Variants in TBX6 observed in about 807,000 individuals in gnomAD.
TBX6 encodes T-box transcription factor TBX6.
Under a neutral mutation model 42.3 loss-of-function variants are expected in TBX6, and 29 were observed. The ratio of observed to expected loss-of-function variants is 0.69; its 90% CI spans 0.51 to 0.93. The LOEUF is 0.93. Among genes scored for constraint, TBX6 ranks in the 40% least tolerant of loss-of-function variants. TBX6 has a pLI of 0.00. For synonymous variants in TBX6, 249 were observed against 245.1 expected, an observed-to-expected ratio of 1.02 and a Z score of -0.15; for missense variants, 569 against 603.3, an observed-to-expected ratio of 0.94 and a Z score of 0.59.
At chr16:30,089,295 G>T in intron 3 of TBX6, 85 bp from the exon 4 acceptor site, 2 of 1,516,636 alleles carry the variant, frequency 1.3e-6, no homozygotes. Flanking sequence ...CATAACAACG[G>T]GCTCCCCAGA....
Position 30,091,120 on chromosome 16 carries a change from T to C in TBX6, c.74A>G (p.Asp25Gly). The C allele has an allele frequency of 6.3e-7, 1 of 1,588,668 alleles. No homozygotes were observed. The highest frequency in any genetic ancestry group is 8.6e-7 in the Non-Finnish European group (1 of 1,169,068). The change falls in exon 2 of 9, where the codon GAC (aspartate) becomes GGC (glycine). Residue 25 changes from aspartate (D) to glycine (G), a missense_variant. Asp to Gly is a moderately conservative substitution (Grantham distance 94). Transcript: ENST00000395224. The part of the protein sequence containing the change: ...YRLGPAQPGA[D>G]SSFPPALAEG... The stretch of plus-strand genomic sequence containing the variant: ...CGCTAGGGCGGGTGGGAAGCTGGAG[T>C]CGGCCCCAGGTTGGGCGGGCCCCAG...
Position 30,088,606 on chromosome 16 carries a change from G to A in TBX6, c.778C>T (p.Leu260=). The A allele has an allele frequency of 6.2e-7, 1 of 1,614,222 alleles. No homozygotes were observed. Among genetic ancestry groups the A allele is most frequent in the South Asian group, 1.1e-5 (1 of 91,088 alleles). Residue 260 remains leucine (L), a synonymous_variant, in exon 6 of 9, where the codon CTG becomes TTG. Transcript: ENST00000395224. The surrounding 1 kb of genome is among the most constrained non-coding windows in gnomAD (Gnocchi z 4.1). ...GCAAAGGGATTGGCTGCAATCTTCA[G>A]TTGTGTGATCTGGGGACACACATGC... ...TAYQNPQITQ[L]KIAANPFAKG...
In TBX6 at chr16:30,086,183, A is replaced by C; in HGVS notation, c.*42T>G. On this transcript the variant is annotated 3_prime_UTR_variant, in exon 9 of 9. Coordinates refer to ENST00000395224, the MANE Select transcript of TBX6 (RefSeq NM_004608.4). The surrounding 1 kb of genome is among the most constrained non-coding windows in gnomAD (Gnocchi z 4.6). Reference sequence around the variant, plus strand: ...GGGGGCTCCAGGGCTGGGGGAAGGGAGCGGGAGGTTTGTGATGGAGGCAGA... The same window carrying C: ...GGGGGCTCCAGGGCTGGGGGAAGGGCGCGGGAGGTTTGTGATGGAGGCAGA... 1 of 1,596,746 alleles carries C rather than the reference A, an allele frequency of 6.3e-7. No homozygotes were observed. The highest frequency in any genetic ancestry group is 8.5e-7 in the Non-Finnish European group (1 of 1,172,024).
At chr16:30,089,496 A>G (rs898329649) in intron 3 of TBX6, among the ~76,000 whole-genome samples, 3 of 152,120 alleles carry the variant, frequency 2.0e-5, no homozygotes, top group African/African-American at 7.2e-5. Context: ...TTAGCCAGGC[A>G]TGGTGGTGCA....
At chr16:30,090,699 G>C (rs2072707697) in intron 3 of TBX6, 59 bp downstream of exon 3, 1 of 1,535,888 alleles carries the variant, frequency 6.5e-7, no homozygotes. Flanking sequence ...CCCTCCCCAG[G>C]GACTCTGCCT....
In TBX6 at chr16:30,086,367, G is replaced by A. The variant is rs759321125; in HGVS notation, c.1169C>T (p.Pro390Leu). ...APYSAAFLELPHGSGGSGYPA... is the reference protein window; with the variant it reads ...APYSAAFLELLHGSGGSGYPA... ...GTACCCGGAGCCCCCTGACCCGTGC[G>A]GCAGCTCCAGAAATGCAGCCGAGTA... Residue 390 changes from proline (P) to leucine (L), a missense_variant, in exon 9 of 9, where the codon CCG becomes CTG. By Grantham distance (98) the Pro-to-Leu change is moderately conservative. Coordinates refer to ENST00000395224, the MANE Select transcript of TBX6 (RefSeq NM_004608.4). The surrounding 1 kb of genome is among the most constrained non-coding windows in gnomAD (Gnocchi z 4.6). 2.1e-5 allele frequency: 33 copies of A among 1,579,174 alleles called. No individual in the cohort carries two copies. Among genetic ancestry groups the A allele is most frequent in the South Asian group, 1.6e-4 (14 of 86,150 alleles).
chr16:30,089,228 C>A lies in TBX6; in HGVS notation c.354-18G>T, dbSNP rs1431768910. The A allele has an allele frequency of 2.5e-6, 4 of 1,605,336 alleles. No individual in the cohort carries two copies. The highest frequency in any genetic ancestry group is 3.4e-6 in the Non-Finnish European group (4 of 1,174,304). ...ACATGCGCCTGTGCAAGGGAGGGGA[C>A]AGGAGAGGCCTGGAGCTACCCACTG... On this transcript the variant is annotated intron_variant, in intron 3 of 8. Coordinates refer to ENST00000395224, the MANE Select transcript of TBX6 (RefSeq NM_004608.4).
rs563504411 is a variant in TBX6, at chr16:30,086,292, C to A, written c.1244G>T (p.Gly415Val). The A allele has an allele frequency of 2.0e-5, 32 of 1,611,484 alleles. No individual in the cohort carries two copies. In the Admixed American group the frequency reaches 2.3e-4, roughly 12 times the overall value. Residue 415 changes from glycine to valine, a missense_variant, in exon 9 of 9, where the codon GGC becomes GTC. Gly to Val is a moderately radical substitution (Grantham distance 109). Transcript: ENST00000395224. This position sits in a 1 kb window ranked among gnomAD's most constrained non-coding sequence, Gnocchi z 4.6. ...VPFAPHFLQG[G>V]PFPLPYTAPG... ...CGCGGTGTATGGTAGAGGGAAGGGG[C>A]CCCCTTGGAGAAAGTGCGGGGCAAA...
intron 3 of TBX6, 35 bp downstream of exon 3, chr16:30,090,723 C>T: frequency 1.3e-6 from 2 of 1,596,064 alleles, no homozygotes; most frequent in Non-Finnish European, 1.7e-6. Flanking sequence ...CCAAGAGACC[C>T]CCACCAGAAA....
Position 30,088,383 on chromosome 16 carries a change from G to T in TBX6, c.839+162C>A. On this transcript the variant is annotated intron_variant, in intron 6 of 8. Coordinates refer to ENST00000395224, the MANE Select transcript of TBX6 (RefSeq NM_004608.4). The surrounding 1 kb of genome is among the most constrained non-coding windows in gnomAD (Gnocchi z 4.1). The stretch of plus-strand genomic sequence containing the variant: ...TGTTTTATCTCCAGTGCCTGGAACT[G>T]TCCCTGGCACATAGCAGGTACTATA... 1 of 1,011,340 alleles carries T rather than the reference G, an allele frequency of 9.9e-7. No homozygotes were observed. The highest frequency in any genetic ancestry group is 1.5e-6 in the Non-Finnish European group (1 of 674,286). The allele number at this position is 1,011,340 out of a possible 1,614,324, so 62.6% of individuals were successfully genotyped here.
intron 6 of TBX6, among the ~76,000 whole-genome samples, chr16:30,087,203 G>C (rs1023171995): frequency 6.6e-6 from 1 of 151,864 alleles, no homozygotes; most frequent in East Asian, 1.9e-4. Context: ...CCCTCTTCAC[G>C]GGCTGAACCT....
In TBX6 at chr16:30,090,817, C is replaced by A. The variant is rs1367397285; in HGVS notation, c.294G>T (p.Arg98=). The A allele has an allele frequency of 2.5e-6, 4 of 1,603,542 alleles. No homozygotes were observed. The African/African-American group carries it at 4.0e-5, about 16-fold the overall frequency. ...CAGAGCTGAACTCCTTCCATAGCTC[C>A]CGGTTCTCCAGGCTCAGGCTGACCC... ...LPGVSLSLEN[R]ELWKEFSSVG... is the part of the protein sequence containing the mutation. Residue 98 remains arginine (R), a synonymous_variant, in exon 3 of 9, where the codon CGG becomes CGT. Coordinates refer to ENST00000395224, the MANE Select transcript of TBX6 (RefSeq NM_004608.4).
intron 3 of TBX6, among the ~76,000 whole-genome samples, chr16:30,090,216 T>C (rs2072700776): frequency 6.6e-6 from 1 of 152,174 alleles, no homozygotes; most frequent in African/African-American, 2.4e-5. Context: ...AGAAAAAATA[T>C]ACCCTGCCTG....
Position 30,086,416 on chromosome 16 carries a change from G to A in TBX6, c.1120C>T (p.Pro374Ser), listed in dbSNP as rs1376544093. The A allele has an allele frequency of 4.6e-6, 7 of 1,533,964 alleles. No homozygotes were observed. Among genetic ancestry groups the A allele is most frequent in the African/African-American group, 1.4e-5 (1 of 71,170 alleles). The change falls in exon 9 of 9, where the codon CCA becomes TCA. Residue 374 changes from proline to serine, a missense_variant. Pro to Ser is a moderately conservative substitution (Grantham distance 74). Coordinates refer to ENST00000395224, the MANE Select transcript of TBX6 (RefSeq NM_004608.4). The surrounding 1 kb of genome is among the most constrained non-coding windows in gnomAD (Gnocchi z 4.6). Reference protein sequence around the residue: ...PTRSPSFPEAPDSGRSAPYSA... With the variant: ...PTRSPSFPEASDSGRSAPYSA... The stretch of plus-strand genomic sequence containing the variant: ...TAGGGGGCTGAGCGCCCGGAGTCTG[G>A]AGCCTCCGGGAAGCTGGGGCTCCTG...
chr16:30,088,908 C>A lies in TBX6; in HGVS notation c.621+35G>T. 1 of 1,603,050 alleles carries A rather than the reference C, an allele frequency of 6.2e-7. No homozygotes were observed. The highest frequency in any genetic ancestry group is 8.5e-7 in the Non-Finnish European group (1 of 1,171,954). On this transcript the variant is annotated intron_variant, in intron 4 of 8. Transcript: ENST00000395224. The surrounding 1 kb of genome is among the most constrained non-coding windows in gnomAD (Gnocchi z 4.1). ...CCCTTGGCCTCCCTTCCAGCACCCC[C>A]CAACCCTATCCTGGAGTCCCAGCCT... is the stretch of plus-strand genomic sequence containing the variant.
intron 1 of TBX6, 25 bp from the exon 2 acceptor site, chr16:30,091,266 C>T (rs1596856695): frequency 8.3e-7 from 1 of 1,207,752 alleles, no homozygotes; most frequent in Admixed American, 2.6e-5. Context: ...CTTTATAGCT[C>T]ACAGCTCAGC....
At position 30,086,410 on chromosome 16, in the gene TBX6, A is replaced by G. The variant is rs756264911; in HGVS notation, c.1126T>C (p.Ser376Pro). Residue 376 changes from serine to proline, a missense_variant, in exon 9 of 9, where the codon TCC (serine) becomes CCC (proline). Ser to Pro is a moderately conservative substitution (Grantham distance 74). This residue lies in a region of TBX6 where 245 missense variants were observed against 227.4 expected (regional missense o/e 1.08). Transcript: ENST00000395224. The surrounding 1 kb of genome is among the most constrained non-coding windows in gnomAD (Gnocchi z 4.6). The part of the protein sequence containing the change: ...RSPSFPEAPD[S>P]GRSAPYSAAF... ...GCCGAGTAGGGGGCTGAGCGCCCGGAGTCTGGAGCCTCCGGGAAGCTGGGG... is the reference window on the plus strand; with the variant it reads ...GCCGAGTAGGGGGCTGAGCGCCCGGGGTCTGGAGCCTCCGGGAAGCTGGGG... 4.5e-6 allele frequency: 7 copies of G among 1,542,500 alleles called. No homozygotes were observed. Among genetic ancestry groups the G allele is most frequent in the Non-Finnish European group, 6.1e-6 (7 of 1,151,624 alleles).
At chr16:30,089,823 G>C (rs527557889) in intron 3 of TBX6, among the ~76,000 whole-genome samples, 3 of 151,414 alleles carry the variant, frequency 2.0e-5, no homozygotes, top group Non-Finnish European at 4.4e-5. Flanking sequence ...CCAGCTACTC[G>C]GGAGGCTGAG....
Position 30,088,268 on chromosome 16 carries a change from A to G in TBX6, c.839+277T>C. 2.1e-6 allele frequency: 1 copy of G among 479,196 alleles called. No individual in the cohort carries two copies. Among genetic ancestry groups the G allele is most frequent in the Admixed American group, 3.3e-5 (1 of 29,942 alleles). The allele number at this position is 479,196 out of a possible 1,614,324, so 29.7% of individuals were successfully genotyped here. On this transcript the variant is annotated intron_variant, in intron 6 of 8. Transcript: ENST00000395224. This position sits in a 1 kb window ranked among gnomAD's most constrained non-coding sequence, Gnocchi z 4.1. ...TCTCTTTAGAATGGCTTCCTAACAG[A>G]TGACATTTTATTTATTTCTCTTGTC...
Sources: gnomAD v4.1 joint callset for allele counts (sites outside exome capture counted in the v4.1 genomes callset) on GRCh38, gnomAD v4.1.1 for gene constraint, gnomAD v4.1.1 regional missense constraint, Gnocchi (gnomAD v3.1) non-coding constraint, MANE v1.5 for transcripts, NCBI Gene and HGNC (gene_info 2026-07-23, HGNC 2026-07-21) for gene names.